The following NCKIPSD variants were observed in gnomAD, a reference collection of about 807,000 sequenced individuals.
NCKIPSD encodes NCK-interacting protein with SH3 domain.
In NCKIPSD, 48 loss-of-function variants were observed where a neutral mutation model predicts 73.4. That is an observed-to-expected ratio of 0.65 (90% CI 0.52 to 0.83). The LOEUF (loss-of-function observed/expected upper bound fraction) is 0.83. NCKIPSD is among the 40% of genes least tolerant of loss of function. The probability of loss-of-function intolerance (pLI) is 0.00; values close to 1 mark genes in which losing one functional copy is unlikely to be tolerated. For synonymous variants in NCKIPSD, 422 were observed against 403.6 expected (o/e 1.05, Z -0.54); for missense variants, 884 against 970.2 (o/e 0.91, Z 1.18).
At chr3:48,675,840 C>T (rs543050064) in intron 12 of NCKIPSD, among the ~76,000 whole-genome samples, 2 of 152,208 alleles carry the variant, frequency 1.3e-5, no homozygotes, top group East Asian at 3.9e-4. Context: ...ACCACCACGC[C>T]CGGCCAGCCC....
Position 48,685,897 on chromosome 3 carries a change from C to T in NCKIPSD, c.-90G>A. ...AGCGCCGAGCCGCGCCGCGGTTGTC[C>T]CGCCCCGTGACACACTACGCAGGCG... On this transcript the variant is annotated 5_prime_UTR_variant, in exon 1 of 13. Coordinates refer to ENST00000294129, the MANE Select transcript of NCKIPSD (RefSeq NM_016453.4). 5 of 1,248,994 alleles carry T rather than the reference C, an allele frequency of 4.0e-6. No individual in the cohort carries two copies. In the South Asian group the frequency reaches 8.1e-5, roughly 20 times the overall value. 77.4% of individuals were successfully genotyped at this position (1,248,994 alleles called of 1,614,324 possible). A position where few individuals can be genotyped will look rare whatever the true frequency, so the allele number is the denominator to read the frequency against.
chr3:48,678,994 A>G, intron 10 of NCKIPSD, 25 bp from the exon 11 acceptor site: 1 of 1,614,152 alleles, frequency 6.2e-7, no homozygotes, highest in Non-Finnish European at 8.5e-7. Flanking sequence ...GGGTATAGAC[A>G]GGGTGCTGAG....
At chr3:48,682,854 C>G (rs1452050992) in intron 2 of NCKIPSD, 49 bp downstream of exon 2, 1 of 1,523,494 alleles carries the variant, frequency 6.6e-7, no homozygotes, top group Non-Finnish European at 8.9e-7. Context: ...AAGAACCCCA[C>G]CCCACCATGC....
intron 9 of NCKIPSD, 93 bp from the exon 10 acceptor site, chr3:48,679,276 G>A (rs959763338): frequency 1.9e-6 from 3 of 1,610,258 alleles, no homozygotes; most frequent in Non-Finnish European, 2.5e-6. Context: ...CTTGGGGATA[G>A]CCTCTCCCTG....
At chr3:48,676,372 TC>T (rs965088580) in intron 12 of NCKIPSD, among the ~76,000 whole-genome samples, 1 of 152,084 alleles carries the variant, frequency 6.6e-6, no homozygotes, top group Non-Finnish European at 1.5e-5. Flanking sequence ...TCCTGCCCCA[TC>T]CACTTGACTC....
At chr3:48,678,772 T>C (rs1559491756) in intron 11 of NCKIPSD, 36 bp from the exon 12 acceptor site, 2 of 1,611,012 alleles carry the variant, frequency 1.2e-6, no homozygotes, top group Non-Finnish European at 8.5e-7. Flanking sequence ...AGGGTGGACC[T>C]TGTGGGGATC....
rs1164148970 is a variant in NCKIPSD, at chr3:48,674,360, C to T, written c.*184G>A. On this transcript the variant is annotated 3_prime_UTR_variant, in exon 13 of 13. Transcript: ENST00000294129. The stretch of plus-strand genomic sequence containing the variant: ...ATTCCCCCTGCCCCAGAACAGCTCC[C>T]AGACCATGGTCCCCAATCCTACACT... The T allele has an allele frequency of 5.6e-6, 8 of 1,437,182 alleles. No homozygotes were observed. In the Admixed American group the frequency reaches 1.9e-4, roughly 34 times the overall value. The allele number at this position is 1,437,182 out of a possible 1,614,324, so 89.0% of individuals were successfully genotyped here.
In NCKIPSD at chr3:48,678,967, C is replaced by G; in HGVS notation, c.1702G>C (p.Ala568Pro). Residue 568 changes from alanine (A) to proline (P), a missense_variant and splice_region_variant, in exon 11 of 13, where the codon GCT becomes CCT. Transcript: ENST00000294129. Reference sequence around the variant, plus strand: ...GCAGCCATGATGACATTCTGGTCAGCAGCTAAGGAAGGACATGGGTATAGA... The same window carrying G: ...GCAGCCATGATGACATTCTGGTCAGGAGCTAAGGAAGGACATGGGTATAGA... ...LLALNLHLPA[A>P]DQNVIMAALS... The G allele has an allele frequency of 6.2e-7, 1 of 1,614,092 alleles. No individual in the cohort carries two copies. The highest frequency in any genetic ancestry group is 1.3e-5 in the African/African-American group (1 of 75,004).
intron 6 of NCKIPSD, 86 bp from the exon 7 acceptor site, chr3:48,679,973 G>C: frequency 1.2e-6 from 2 of 1,610,492 alleles, no homozygotes; most frequent in Non-Finnish European, 1.7e-6. Flanking sequence ...ATATGTGTAG[G>C]GGAGACTCCT....
At chr3:48,682,248 T>C in intron 3 of NCKIPSD, 92 bp from the exon 4 acceptor site, 3 of 1,570,330 alleles carry the variant, frequency 1.9e-6, no homozygotes, top group Non-Finnish European at 1.7e-6. Context: ...GGCAGGACTA[T>C]GGCTCTGGGC....
Position 48,679,395 on chromosome 3 carries a change from C to T in NCKIPSD, c.1552G>A (p.Val518Met). Residue 518 changes from valine (V) to methionine (M), a missense_variant, in exon 9 of 13, where the codon GTG (valine) becomes ATG (methionine). Physicochemically the swap from Val to Met is conservative, Grantham distance 21 (BLOSUM62 1). Transcript: ENST00000294129. The part of the protein sequence containing the change: ...LAMVFSMGEA[V>M]PYAHYEHLGT... ...TTCTTACCATAGTGTGCATAGGGCA[C>T]TGCCTCTCCCATGGAGAAGACCATG... 2 of 1,614,172 alleles carry T rather than the reference C, an allele frequency of 1.2e-6. No homozygotes were observed. Among genetic ancestry groups the T allele is most frequent in the South Asian group, 1.1e-5 (1 of 91,086 alleles).
rs780518114 is a variant in NCKIPSD at position 48,674,662 on chromosome 3, T to G, written c.2051A>C (p.Gln684Pro). The change falls in exon 13 of 13, where the codon CAG (glutamine) becomes CCG (proline). Residue 684 changes from glutamine to proline, a missense_variant. Coordinates refer to ENST00000294129, the MANE Select transcript of NCKIPSD (RefSeq NM_016453.4). ...LQHRHRLPDL[Q>P]AILRRILNEE... Reference sequence around the variant, plus strand: ...ATTCAGGATGCGTCGCAGTATGGCCTGCAGGTCGGGTAGCCGGTGGCGGTG... The same window carrying G: ...ATTCAGGATGCGTCGCAGTATGGCCGGCAGGTCGGGTAGCCGGTGGCGGTG... The G allele has an allele frequency of 6.2e-7, 1 of 1,613,924 alleles. No individual in the cohort carries two copies. The highest frequency in any genetic ancestry group is 8.5e-7 in the Non-Finnish European group (1 of 1,179,982).
At chr3:48,683,830 G>A (rs897771528) in intron 1 of NCKIPSD, among the ~76,000 whole-genome samples, 13 of 152,100 alleles carry the variant, frequency 8.5e-5, no homozygotes, top group African/African-American at 2.7e-4. Flanking sequence ...TAGGAGTCCC[G>A]GAGCTGAGAT....
At chr3:48,683,123 G>C (rs1377569907) in intron 1 of NCKIPSD, 111 bp from the exon 2 acceptor site, 4 of 1,525,560 alleles carry the variant, frequency 2.6e-6, no homozygotes, top group Admixed American at 3.9e-5. Flanking sequence ...CGAAAGCCTG[G>C]AATGCTAGAC....
At position 48,685,715 on chromosome 3, in the gene NCKIPSD, G is replaced by A. The variant is rs557554162; in HGVS notation, c.93C>T (p.Ser31=). The change falls in exon 1 of 13, where the codon AGC becomes AGT. Residue 31 remains serine (S), a synonymous_variant. Coordinates refer to ENST00000294129, the MANE Select transcript of NCKIPSD (RefSeq NM_016453.4). ...CCCGCGCGGCCAGCCACCAGTGCGC[G>A]CTGCTTCGCTCTAGCACCAGGAAGG... ...GETFLVLERS[S]AHWWLAARAR... 77 of 1,530,256 alleles carry A rather than the reference G, an allele frequency of 5.0e-5. 1 individual carries two copies. The African/African-American group carries it at 7.6e-4, about 15-fold the overall frequency. The allele number at this position is 1,530,256 out of a possible 1,614,324, so 94.8% of individuals were successfully genotyped here. A position where few individuals can be genotyped will look rare whatever the true frequency, so the allele number is the denominator to read the frequency against.
intron 12 of NCKIPSD, among the ~76,000 whole-genome samples, chr3:48,678,176 T>C (rs1243760009): frequency 6.6e-6 from 1 of 152,156 alleles, no homozygotes; most frequent in African/African-American, 2.4e-5. Flanking sequence ...ACCCCATCCA[T>C]GCCACCTGGA....
At chr3:48,675,586 G>T (rs2077245245) in intron 12 of NCKIPSD, among the ~76,000 whole-genome samples, 1 of 146,380 alleles carries the variant, frequency 6.8e-6, no homozygotes, top group African/African-American at 2.5e-5. Context: ...CTGTCACCCA[G>T]GCTGGAGTGC....
chr3:48,681,341 C>T lies in NCKIPSD; in HGVS notation c.1038G>A (p.Val346=). Residue 346 remains valine (V), a synonymous_variant, in exon 5 of 13, where the codon GTG becomes GTA. Coordinates refer to ENST00000294129, the MANE Select transcript of NCKIPSD (RefSeq NM_016453.4). ...GIIVGHIQAS[V]PASSPVMEQV... is the part of the protein sequence containing the mutation. Reference sequence around the variant, plus strand: ...GCTCCATGACTGGTGAGCTGGCCGGCACCGAGGCCTGGATGTGACCCACTA... The same window carrying T: ...GCTCCATGACTGGTGAGCTGGCCGGTACCGAGGCCTGGATGTGACCCACTA... 6.2e-7 allele frequency: 1 copy of T among 1,610,662 alleles called. No individual in the cohort carries two copies. The highest frequency in any genetic ancestry group is 8.5e-7 in the Non-Finnish European group (1 of 1,178,986).
chr3:48,676,858 C>A (rs2077263198), intron 12 of NCKIPSD, among the ~76,000 whole-genome samples: 4 of 151,570 alleles, frequency 2.6e-5, no homozygotes. Flanking sequence ...GCAACCTCCA[C>A]CTCCCGGGTT....
Sources: allele counts gnomAD v4.1 joint callset (sites outside exome capture counted in the v4.1 genomes callset), GRCh38; gene constraint gnomAD v4.1.1; transcripts MANE v1.5; gene names NCBI Gene and HGNC (gene_info 2026-07-23, HGNC 2026-07-21).